DCAF5: variants seen among roughly 807,000 people sequenced by gnomAD.
The protein encoded by DCAF5 is DDB1 and CUL4 associated factor 5.
In DCAF5, 9 loss-of-function variants were observed where a neutral mutation model predicts 80.7. That is an observed-to-expected ratio of 0.11 (90% confidence interval 0.07 to 0.19). The LOEUF is 0.19. Among genes scored for constraint, DCAF5 ranks in the 10% least tolerant of loss-of-function variants. DCAF5 has a pLI of 1.00. For missense variants in DCAF5, 842 were observed against 1,205.7 expected (o/e 0.70, Z 4.47); for synonymous variants, 433 against 461.9 (o/e 0.94, Z 0.80).
intron 6 of DCAF5, chr14:69,084,345 T>G: frequency 1.1e-6 from 1 of 950,630 alleles, no homozygotes; most frequent in Middle Eastern, 3.3e-4. Flanking sequence ...CCAGGGTTTA[T>G]GTATAAAAAT....
At chr14:69,136,152 G>C (rs960321186) in intron 1 of DCAF5, among the ~76,000 whole-genome samples, 1 of 126,062 alleles carries the variant, frequency 7.9e-6, no homozygotes, top group Non-Finnish European at 1.6e-5. Context: ...GTCCTACTCT[G>C]TCACCCAGGC....
chr14:69,122,328 T>C lies in DCAF5; in HGVS notation c.247A>G (p.Met83Val), dbSNP rs2040747634. 5.6e-6 allele frequency: 9 copies of C among 1,613,482 alleles called. No homozygotes were observed. Among genetic ancestry groups the C allele is most frequent in the East Asian group, 4.5e-5 (2 of 44,874 alleles). ...ACCCTGGAGTGGATGGCTTGTTCCATGTGCCATAGCAGAACCCGGCGGTCA... is the reference window on the plus strand; with the variant it reads ...ACCCTGGAGTGGATGGCTTGTTCCACGTGCCATAGCAGAACCCGGCGGTCA... The part of the protein sequence containing the change: ...GDDRRVLLWH[M>V]EQAIHSRVKP... The change falls in exon 2 of 9, where the codon ATG becomes GTG. Residue 83 changes from methionine to valine, a missense_variant. Met to Val is a conservative substitution (Grantham distance 21). This residue lies in a region of DCAF5 where 142 missense variants were observed against 311.9 expected (regional missense o/e 0.46). Coordinates refer to ENST00000341516, the MANE Select transcript of DCAF5 (RefSeq NM_003861.3).
chr14:69,051,789 T>C lies in DCAF5; in HGVS notation c.*2068A>G, dbSNP rs1321705785. 1 of 152,318 alleles carries C rather than the reference T, an allele frequency of 6.6e-6. No homozygotes were observed. The highest frequency in any genetic ancestry group is 6.6e-5 in the Admixed American group (1 of 15,260). 9.4% of individuals were successfully genotyped at this position (152,318 alleles called of 1,614,324 possible). On this transcript the variant is annotated 3_prime_UTR_variant, in exon 9 of 9. Transcript: ENST00000341516. ...ACTTATTAAAATAAAATAAATAGAATAGAATAAAATAAAGGACTGGGTGTG... is the reference window on the plus strand; with the variant it reads ...ACTTATTAAAATAAAATAAATAGAACAGAATAAAATAAAGGACTGGGTGTG...
In DCAF5 at chr14:69,053,554, G is replaced by A. The variant is rs1465133085; in HGVS notation, c.*303C>T. 6 of 307,942 alleles carry A rather than the reference G, an allele frequency of 1.9e-5. No homozygotes were observed. The highest frequency in any genetic ancestry group is 6.8e-5 in the East Asian group (1 of 14,742). 19.1% of individuals were successfully genotyped at this position (307,942 alleles called of 1,614,324 possible). On this transcript the variant is annotated 3_prime_UTR_variant, in exon 9 of 9. Transcript: ENST00000341516. ...GTGCGTACACAAGAACAAGTCGAAC[G>A]TCTCAACAAAGATTTACTTCCACAG...
At chr14:69,130,019 GA>G (rs1435808606) in intron 1 of DCAF5, among the ~76,000 whole-genome samples, 1 of 152,190 alleles carries the variant, frequency 6.6e-6, no homozygotes, top group Non-Finnish European at 1.5e-5. Context: ...TGTAGTTACA[GA>G]AAACCTTTAT....
intron 6 of DCAF5, among the ~76,000 whole-genome samples, chr14:69,079,646 T>C (rs2039026249): frequency 6.6e-6 from 1 of 152,174 alleles, no homozygotes; most frequent in African/African-American, 2.4e-5. Context: ...GTGAGGTCAT[T>C]CCTTTATTCA....
chr14:69,069,463 T>C (rs1409477212), intron 7 of DCAF5, among the ~76,000 whole-genome samples: 2 of 152,148 alleles, frequency 1.3e-5, no homozygotes, highest in Non-Finnish European at 2.9e-5. Context: ...GAGAAGGCCT[T>C]CTTTTTCTTC....
At position 69,055,918 on chromosome 14, in the gene DCAF5, A is replaced by G. The variant is rs1037063857; in HGVS notation, c.1075-307T>C. On this transcript the variant is annotated intron_variant, in intron 8 of 8. Coordinates refer to ENST00000341516, the MANE Select transcript of DCAF5 (RefSeq NM_003861.3). This position sits in a 1 kb window ranked among gnomAD's most constrained non-coding sequence, Gnocchi z 5.6. Reference sequence around the variant, plus strand: ...GTAATCACATACTTTCTCCACCAGAATCTTCCTCCCTTTTAGTTTCATCTA... The same window carrying G: ...GTAATCACATACTTTCTCCACCAGAGTCTTCCTCCCTTTTAGTTTCATCTA... Among the ~76,000 whole-genome samples, 7 of 152,182 alleles carry G rather than the reference A, an allele frequency of 4.6e-5. No homozygotes were observed. The highest frequency in any genetic ancestry group is 1.0e-4 in the Non-Finnish European group (7 of 68,024).
chr14:69,055,456 C>T lies in DCAF5; in HGVS notation c.1230G>A (p.Gln410=), dbSNP rs1173901757. ...AGAAGGCCATCATCCGGGGGTCTTC[C>T]TGGACCGACTGGTTGGCGTAGTCAT... ...LSHDYANQSV[Q]EDPRMMAFFD... Residue 410 remains glutamine, a synonymous_variant, in exon 9 of 9, where the codon CAG becomes CAA. Coordinates refer to ENST00000341516, the MANE Select transcript of DCAF5 (RefSeq NM_003861.3). This position sits in a 1 kb window ranked among gnomAD's most constrained non-coding sequence, Gnocchi z 5.6. 3 of 1,614,182 alleles carry T rather than the reference C, an allele frequency of 1.9e-6. No individual in the cohort carries two copies. In the African/African-American group the frequency reaches 4.0e-5, roughly 22 times the overall value.
intron 6 of DCAF5, among the ~76,000 whole-genome samples, chr14:69,075,934 C>T (rs747608984): frequency 9.2e-5 from 14 of 151,860 alleles, no homozygotes; most frequent in Middle Eastern, 3.2e-3. Context: ...AACTCAGCAA[C>T]GACAACAAAA....
intron 5 of DCAF5, among the ~76,000 whole-genome samples, chr14:69,100,601 G>T (rs2039914279): frequency 6.6e-6 from 1 of 152,162 alleles, no homozygotes; most frequent in South Asian, 2.1e-4. Flanking sequence ...CACCAAGTTA[G>T]GTCTGAAACT....
At chr14:69,091,468 G>C (rs571982887) in intron 6 of DCAF5, among the ~76,000 whole-genome samples, 2 of 152,168 alleles carry the variant, frequency 1.3e-5, no homozygotes, top group East Asian at 3.9e-4. Flanking sequence ...GCCAGCCTTG[G>C]TTTATGGTGT....
intron 5 of DCAF5, among the ~76,000 whole-genome samples, chr14:69,103,011 T>C (rs539056454): frequency 2.6e-5 from 4 of 152,354 alleles, no homozygotes; most frequent in Admixed American, 6.5e-5. Context: ...TTATGACAGC[T>C]ACATTACCAG....
chr14:69,071,986 T>G (rs1048090353), intron 7 of DCAF5, among the ~76,000 whole-genome samples: 2 of 152,294 alleles, frequency 1.3e-5, no homozygotes, highest in African/African-American at 4.8e-5. Context: ...AGCAGAAGTC[T>G]GGGGGTTGCC....
At chr14:69,146,593 A>G (rs1394227304) in intron 1 of DCAF5, among the ~76,000 whole-genome samples, 1 of 152,196 alleles carries the variant, frequency 6.6e-6, no homozygotes. Context: ...CTATTAAAGT[A>G]TCATAAGGTA....
In DCAF5 at chr14:69,152,397, C is replaced by G; in HGVS notation, c.214+368G>C. ...TCGGCCTCCTCACCCTCCACATCCC[C>G]AAAATGCCCCCAGCACCTTTTAAAG... On this transcript the variant is annotated intron_variant, in intron 1 of 8. Coordinates refer to ENST00000341516, the MANE Select transcript of DCAF5 (RefSeq NM_003861.3). The surrounding 1 kb of genome is among the most constrained non-coding windows in gnomAD (Gnocchi z 4.1). 1 of 170,406 alleles carries G rather than the reference C, an allele frequency of 5.9e-6. No individual in the cohort carries two copies. The highest frequency in any genetic ancestry group is 2.6e-3 in the Middle Eastern group (1 of 388). The allele number at this position is 170,406 out of a possible 1,614,324, so 10.6% of individuals were successfully genotyped here.
At chr14:69,117,860 C>G (rs1388046660) in intron 4 of DCAF5, among the ~76,000 whole-genome samples, 1 of 152,140 alleles carries the variant, frequency 6.6e-6, no homozygotes, top group Admixed American at 6.6e-5. Context: ...CATGTCAGCA[C>G]CACAACTTCT....
chr14:69,138,453 G>C (rs2041259141), intron 1 of DCAF5, among the ~76,000 whole-genome samples: 1 of 152,144 alleles, frequency 6.6e-6, no homozygotes, highest in Admixed American at 6.5e-5. Flanking sequence ...TAAAATAATA[G>C]GGCATCACCA....
intron 1 of DCAF5, among the ~76,000 whole-genome samples, chr14:69,136,455 G>C (rs1025674811): frequency 6.6e-6 from 1 of 151,990 alleles, no homozygotes; most frequent in South Asian, 2.1e-4. Flanking sequence ...CCAATATTTT[G>C]CAAGATTAAA....
Sources: allele counts gnomAD v4.1 joint callset (sites outside exome capture counted in the v4.1 genomes callset), GRCh38; gene constraint gnomAD v4.1.1; regional missense constraint gnomAD v4.1.1; non-coding constraint Gnocchi (gnomAD v3.1); transcripts MANE v1.5; gene names NCBI Gene and HGNC (gene_info 2026-07-23, HGNC 2026-07-21).